The following LRRC4C variants were observed in gnomAD, a reference collection of about 807,000 sequenced individuals.
LRRC4C encodes leucine-rich repeat-containing protein 4C.
Under a neutral mutation model 33.6 loss-of-function variants are expected in LRRC4C, and 5 were observed. The observed-to-expected ratio is 0.15, with a 90% CI of 0.08 to 0.31. The LOEUF (loss-of-function observed/expected upper bound fraction) is 0.31, where lower values mean the gene tolerates loss of function less well. Among genes scored for constraint, LRRC4C ranks in the 10% least tolerant of loss-of-function variants. The probability of loss-of-function intolerance (pLI) is 1.00; values close to 1 mark genes in which losing one functional copy is unlikely to be tolerated. For synonymous variants in LRRC4C, 329 were observed against 302.0 expected (o/e 1.09, Z -0.93); for missense variants, 560 against 796.7 (o/e 0.70, Z 3.58).
chr11:40,801,031 G>A (rs148401696), intron 2 of LRRC4C, among the ~76,000 whole-genome samples: 18 of 152,080 alleles, frequency 1.2e-4, no homozygotes, highest in East Asian at 3.9e-4. Context: ...ATTCACCCAC[G>A]TTAATTATAT....
chr11:40,735,719 C>T (rs1301625982), intron 2 of LRRC4C, among the ~76,000 whole-genome samples: 2 of 148,014 alleles, frequency 1.4e-5, no homozygotes, highest in Non-Finnish European at 3.0e-5. Flanking sequence ...TTCTAGATCC[C>T]TGAGGAATCA....
intron 2 of LRRC4C, among the ~76,000 whole-genome samples, chr11:40,684,721 C>A (rs545997404): frequency 6.6e-6 from 1 of 151,714 alleles, no homozygotes; most frequent in South Asian, 2.1e-4. Context: ...TTTTAAAAAA[C>A]AATCAGAGAG....
At chr11:40,367,487 G>A (rs1157637244) in intron 3 of LRRC4C, among the ~76,000 whole-genome samples, 1 of 151,918 alleles carries the variant, frequency 6.6e-6, no homozygotes, top group Non-Finnish European at 1.5e-5. Context: ...ACTTTTTTCT[G>A]TCTTATTTTT....
At chr11:40,553,557 T>C (rs915379678) in intron 3 of LRRC4C, among the ~76,000 whole-genome samples, 3 of 152,202 alleles carry the variant, frequency 2.0e-5, no homozygotes, top group Admixed American at 2.0e-4. Flanking sequence ...AAGGGAATTC[T>C]GTGCAATACC....
At chr11:40,864,001 T>C (rs550911404) in intron 2 of LRRC4C, among the ~76,000 whole-genome samples, 2 of 152,174 alleles carry the variant, frequency 1.3e-5, no homozygotes, top group South Asian at 4.2e-4. Flanking sequence ...GGAAAAATAA[T>C]TATATTGATG....
intron 2 of LRRC4C, among the ~76,000 whole-genome samples, chr11:40,760,174 TA>T (rs957662227): frequency 3.3e-5 from 5 of 151,214 alleles, no homozygotes; most frequent in Non-Finnish European, 5.9e-5. Flanking sequence ...AACTAAAAAT[TA>T]AAAAAAAATT....
At chr11:40,782,015 T>C (rs1029047263) in intron 2 of LRRC4C, among the ~76,000 whole-genome samples, 2 of 152,220 alleles carry the variant, frequency 1.3e-5, no homozygotes, top group African/African-American at 4.8e-5. Context: ...AATGCATTAT[T>C]GATTTACAAT....
At chr11:40,417,742 T>C (rs2137706047) in intron 3 of LRRC4C, among the ~76,000 whole-genome samples, 1 of 152,240 alleles carries the variant, frequency 6.6e-6, no homozygotes. Flanking sequence ...CAAGCCTTTC[T>C]GAGAAGTACA....
At chr11:40,978,564 T>C (rs1224728017) in intron 1 of LRRC4C, among the ~76,000 whole-genome samples, 1 of 151,678 alleles carries the variant, frequency 6.6e-6, no homozygotes, top group Non-Finnish European at 1.5e-5. Flanking sequence ...CAAACATCAA[T>C]AGAGTTAAGG....
intron 2 of LRRC4C, among the ~76,000 whole-genome samples, chr11:40,911,284 G>A (rs2136271346): frequency 6.6e-6 from 1 of 152,250 alleles, no homozygotes; most frequent in African/African-American, 2.4e-5. Flanking sequence ...AGCCCAACTG[G>A]GAGGCACCCC....
intron 2 of LRRC4C, among the ~76,000 whole-genome samples, chr11:40,887,498 A>G (rs572707094): frequency 1.3e-5 from 2 of 152,164 alleles, no homozygotes; most frequent in African/African-American, 4.8e-5. Flanking sequence ...AATACTAAGT[A>G]TTTGAGGTAC....
At chr11:40,907,769 AT>A (rs761254904) in intron 2 of LRRC4C, among the ~76,000 whole-genome samples, 2 of 152,218 alleles carry the variant, frequency 1.3e-5, no homozygotes, top group African/African-American at 2.4e-5. Context: ...TTTCTCAAAA[AT>A]TTTAAAATTC....
intron 5 of LRRC4C, among the ~76,000 whole-genome samples, chr11:40,216,697 C>A (rs902817970): frequency 6.6e-6 from 1 of 152,040 alleles, no homozygotes; most frequent in African/African-American, 2.4e-5. Flanking sequence ...TGTGAATTTC[C>A]CCAGTTATGA....
At chr11:41,050,079 C>T in intron 1 of LRRC4C, among the ~76,000 whole-genome samples, 1 of 152,254 alleles carries the variant, frequency 6.6e-6, no homozygotes, top group East Asian at 1.9e-4. Flanking sequence ...AATGCAAACA[C>T]ACTGCTATTA....
rs1286678127 is a variant in LRRC4C at position 40,875,684 on chromosome 11, C to T, written c.-407+57951G>A. ...CTAAAGTAATCGCACATATTTAATC[C>T]CTTAACTCAGCAGTCCCAAACCTTT... On this transcript the variant is annotated intron_variant, in intron 2 of 6. Transcript: ENST00000528697. Among the ~76,000 whole-genome samples, 16 of 152,030 alleles carry T rather than the reference C, an allele frequency of 1.1e-4. No homozygotes were observed. In the East Asian group the frequency reaches 3.1e-3, roughly 29 times the overall value.
intron 1 of LRRC4C, among the ~76,000 whole-genome samples, chr11:41,329,766 G>C (rs1276056605): frequency 1.3e-5 from 2 of 152,110 alleles, no homozygotes; most frequent in Non-Finnish European, 2.9e-5. Flanking sequence ...GAGCTTTTTT[G>C]TTGTCATAGT....
At chr11:40,372,262 G>A (rs1278520747) in intron 3 of LRRC4C, among the ~76,000 whole-genome samples, 2 of 152,126 alleles carry the variant, frequency 1.3e-5, no homozygotes, top group Non-Finnish European at 2.9e-5. Context: ...CTCTCTGGAC[G>A]GCAGCATCAA....
chr11:40,655,593 C>G (rs1178531010), intron 2 of LRRC4C, among the ~76,000 whole-genome samples: 1 of 152,122 alleles, frequency 6.6e-6, no homozygotes, highest in Non-Finnish European at 1.5e-5. Context: ...GTTTGAAGAC[C>G]TCTACAGAAA....
At chr11:40,313,834 C>T (rs1590284033) in intron 4 of LRRC4C, among the ~76,000 whole-genome samples, 3 of 151,872 alleles carry the variant, frequency 2.0e-5, no homozygotes, top group Non-Finnish European at 2.9e-5. Context: ...AGGATGGTCT[C>T]GATCTCTTGA....
Sources: gnomAD v4.1 joint callset for allele counts (sites outside exome capture counted in the v4.1 genomes callset) on GRCh38, gnomAD v4.1.1 for gene constraint, MANE v1.5 for transcripts, NCBI Gene and HGNC (gene_info 2026-07-23, HGNC 2026-07-21) for gene names.